ZNF700: variants seen among roughly 807,000 people sequenced by gnomAD.
ZNF700 encodes the protein zinc finger protein 700.
ZNF700 carries 38 observed loss-of-function variants against 65.3 expected under a neutral mutation model. The observed-to-expected ratio is 0.58, with a 90% CI of 0.45 to 0.76. The LOEUF (loss-of-function observed/expected upper bound fraction) is 0.76, where lower values mean the gene tolerates loss of function less well. Ranked by LOEUF, ZNF700 falls within the 30% of genes least tolerant of loss-of-function variation. The pLI is 0.00. For missense variants in ZNF700, 857 were observed against 888.4 expected (o/e 0.96, Z 0.45); for synonymous variants, 285 against 290.4 (o/e 0.98, Z 0.19).
intron 1 of ZNF700, among the ~76,000 whole-genome samples, chr19:11,928,427 C>G (rs964493913): frequency 6.6e-6 from 1 of 152,100 alleles, no homozygotes; most frequent in Non-Finnish European, 1.5e-5. Flanking sequence ...GCCATGAAAT[C>G]TTTGTGTGAG....
intron 1 of ZNF700, among the ~76,000 whole-genome samples, chr19:11,937,506 T>G (rs1448563150): frequency 1.4e-5 from 2 of 142,786 alleles, no homozygotes; most frequent in African/African-American, 5.5e-5. Flanking sequence ...TTTTTTTTTT[T>G]GAGACAGAGT....
At chr19:11,932,030 G>T (rs1250492988) in intron 1 of ZNF700, among the ~76,000 whole-genome samples, 1 of 147,388 alleles carries the variant, frequency 6.8e-6, no homozygotes, top group Non-Finnish European at 1.5e-5. Flanking sequence ...CAGGAGAATC[G>T]CTTGAACCTG....
At position 11,949,333 on chromosome 19, in the gene ZNF700, G is replaced by A. The variant is rs765415938; in HGVS notation, c.1309G>A (p.Gly437Ser). The change falls in exon 4 of 4, where the codon GGT becomes AGT. Residue 437 changes from glycine to serine, a missense_variant. Transcript: ENST00000254321. ...FRSASQLRVH[G>S]GTHTGEKPYE... is the part of the protein sequence containing the mutation. ...ATCTGCCTCACAGCTTCGAGTGCACGGTGGGACTCACACTGGAGAGAAACC... is the reference window on the plus strand; with the variant it reads ...ATCTGCCTCACAGCTTCGAGTGCACAGTGGGACTCACACTGGAGAGAAACC... 9.7e-5 allele frequency: 156 copies of A among 1,613,692 alleles called. No individual in the cohort carries two copies. The highest frequency in any genetic ancestry group is 1.2e-4 in the Non-Finnish European group (136 of 1,179,946).
intron 1 of ZNF700, among the ~76,000 whole-genome samples, chr19:11,928,525 G>A (rs1054722080): frequency 4.0e-5 from 6 of 151,226 alleles, no homozygotes; most frequent in Non-Finnish European, 8.8e-5. Flanking sequence ...GAGGTCAGGA[G>A]ATCGAGACCA....
chr19:11,947,014 C>T (rs1442037080), intron 1 of ZNF700, 167 bp from the exon 2 acceptor site: 4 of 1,190,400 alleles, frequency 3.4e-6, no homozygotes, highest in Non-Finnish European at 4.5e-6. Flanking sequence ...AAATAAATTG[C>T]TTTATGGAAG....
At position 11,925,293 on chromosome 19, in the gene ZNF700, T is replaced by C; in HGVS notation, c.63+20T>C. 2 of 1,610,350 alleles carry C rather than the reference T, an allele frequency of 1.2e-6. No individual in the cohort carries two copies. Among genetic ancestry groups the C allele is most frequent in the Admixed American group, 1.7e-5 (1 of 59,880 alleles). On this transcript the variant is annotated intron_variant, in intron 1 of 3. Coordinates refer to ENST00000254321, the MANE Select transcript of ZNF700 (RefSeq NM_144566.3). Reference sequence around the variant, plus strand: ...GAAATGGTGCGTGTGCGGGACCAGATGTCGTGAGACGGGGGAGGGGCTGCC... The same window carrying C: ...GAAATGGTGCGTGTGCGGGACCAGACGTCGTGAGACGGGGGAGGGGCTGCC...
chr19:11,935,000 A>G lies in ZNF700; in HGVS notation c.63+9727A>G, dbSNP rs1489311000. 1.4e-5 allele frequency among the ~76,000 whole-genome samples: 2 copies of G among 144,502 alleles called. 1 individual carries two copies. Among genetic ancestry groups the G allele is most frequent in the African/African-American group, 5.6e-5 (2 of 36,032 alleles). The allele number at this position is 144,502 out of a possible 152,430, so 94.8% of individuals were successfully genotyped here. ...AGACCATCCTGGCTAACACTGTGAA[A>G]CCCCGTCTCTACTAAAAATAGAAAA... On this transcript the variant is annotated intron_variant, in intron 1 of 3. Transcript: ENST00000254321.
At position 11,950,168 on chromosome 19, in the gene ZNF700, A is replaced by G. The variant is rs1832794283; in HGVS notation, c.2144A>G (p.Tyr715Cys). Residue 715 changes from tyrosine (Y) to cysteine (C), a missense_variant, in exon 4 of 4, where the codon TAT (tyrosine) becomes TGT (cysteine). Physicochemically the swap from Tyr to Cys is radical, Grantham distance 194 (BLOSUM62 -2). Around this residue, in one of 3 missense-constraint regions of ZNF700, gnomAD observed 251 missense variants for 250.3 expected, o/e 1.00. Transcript: ENST00000254321. Reference protein sequence around the residue: ...ECKECGKAFNYFSSLHIHART... With the variant: ...ECKECGKAFNCFSSLHIHART... ...AAGGAATGCGGAAAAGCATTCAATTATTTTTCTTCCTTGCATATACACGCA... is the reference window on the plus strand; with the variant it reads ...AAGGAATGCGGAAAAGCATTCAATTGTTTTTCTTCCTTGCATATACACGCA... 2 of 1,613,858 alleles carry G rather than the reference A, an allele frequency of 1.2e-6. No individual in the cohort carries two copies. Among genetic ancestry groups the G allele is most frequent in the African/African-American group, 1.3e-5 (1 of 74,992 alleles).
chr19:11,930,544 C>T (rs1039593811), intron 1 of ZNF700, among the ~76,000 whole-genome samples: 30 of 148,472 alleles, frequency 2.0e-4, no homozygotes, highest in Non-Finnish European at 2.5e-4. Context: ...TCACTATAAC[C>T]GGCAACTCTA....
chr19:11,936,531 GGTT>G (rs1252779578), intron 1 of ZNF700, among the ~76,000 whole-genome samples: 12 of 152,084 alleles, frequency 7.9e-5, no homozygotes, highest in African/African-American at 2.9e-4. Flanking sequence ...TTTTTGATGG[GGTT>G]GTTTGTTTTT....
intron 1 of ZNF700, among the ~76,000 whole-genome samples, chr19:11,936,480 T>C (rs1268795945): frequency 1.3e-5 from 2 of 152,258 alleles, no homozygotes; most frequent in Non-Finnish European, 2.9e-5. Context: ...GCTGCATAAA[T>C]GTCTTCTTTT....
rs1973031834 is a variant in ZNF700 at position 11,949,769 on chromosome 19, A to G, written c.1745A>G (p.His582Arg). Residue 582 changes from histidine (H) to arginine (R), a missense_variant, in exon 4 of 4, where the codon CAT (histidine) becomes CGT (arginine). Physicochemically the swap from His to Arg is conservative, Grantham distance 29. This residue lies in a region of ZNF700 where 251 missense variants were observed against 250.3 expected (regional missense o/e 1.00). Transcript: ENST00000254321. ...AGATCTGCCTCACACCTTCGAATGC[A>G]TGAAAGGACTCACACTGGAGAGAAA... ...AFRSASHLRM[H>R]ERTHTGEKPY... 1.9e-6 allele frequency: 3 copies of G among 1,614,096 alleles called. No individual in the cohort carries two copies. Among genetic ancestry groups the G allele is most frequent in the East Asian group, 2.2e-5 (1 of 44,856 alleles).
rs1972603000 is a variant in ZNF700, at chr19:11,925,138, G to A, written c.-73G>A. On this transcript the variant is annotated 5_prime_UTR_variant, in exon 1 of 4. Transcript: ENST00000254321. ...CTTCCTCGCTGCGCGGGCGGCGGTT[G>A]GTAACCGGTCAGACCAGCCCGAGAG... is the stretch of plus-strand genomic sequence containing the variant. The A allele has an allele frequency of 4.4e-6, 7 of 1,574,342 alleles. No homozygotes were observed. The highest frequency in any genetic ancestry group is 1.4e-5 in the African/African-American group (1 of 73,534).
intron 1 of ZNF700, among the ~76,000 whole-genome samples, chr19:11,938,793 A>G (rs145310154): frequency 0.01 from 1,531 of 152,328 alleles, 35 homozygotes; most frequent in East Asian, 0.077. Context: ...TCCTTGAGGA[A>G]TCACCACACT....
rs1229120990 is a variant in ZNF700 at position 11,948,861 on chromosome 19, A to G, written c.837A>G (p.Glu279=). 5.0e-6 allele frequency: 8 copies of G among 1,603,960 alleles called. No homozygotes were observed. Among genetic ancestry groups the G allele is most frequent in the Non-Finnish European group, 6.8e-6 (8 of 1,177,876 alleles). The change falls in exon 4 of 4, where the codon GAA becomes GAG. Residue 279 remains glutamate (E), a synonymous_variant. Transcript: ENST00000254321. Reference sequence around the variant, plus strand: ...CTCACACTGGGGAGAAGCCCTATGAATGTAGCAAATGTGATAAAGCATTTC... The same window carrying G: ...CTCACACTGGGGAGAAGCCCTATGAGTGTAGCAAATGTGATAAAGCATTTC... ...ERTHTGEKPY[E]CSKCDKAFHS...
chr19:11,940,044 G>C (rs999109226), intron 1 of ZNF700: 2 of 150,660 alleles, frequency 1.3e-5, no homozygotes, highest in Non-Finnish European at 2.9e-5. Context: ...CAATTCTCCT[G>C]TCTCAGCCTC....
In ZNF700 at chr19:11,948,322, T is replaced by C; in HGVS notation, c.298T>C (p.Cys100Arg). Residue 100 changes from cysteine to arginine, a missense_variant, in exon 4 of 4, where the codon TGT becomes CGT. Cys to Arg is a radical substitution (Grantham distance 180). This residue lies in a region of ZNF700 where 603 missense variants were observed against 619.9 expected (regional missense o/e 0.97). Transcript: ENST00000254321. ...KVNEIKEDSHCGETFTQVPDD... is the reference protein window; with the variant it reads ...KVNEIKEDSHRGETFTQVPDD... The stretch of plus-strand genomic sequence containing the variant: ...CAATGAAATTAAAGAAGACAGTCAT[T>C]GTGGAGAAACTTTTACCCAGGTTCC... The C allele has an allele frequency of 6.2e-7, 1 of 1,613,772 alleles. No individual in the cohort carries two copies.
intron 1 of ZNF700, among the ~76,000 whole-genome samples, chr19:11,934,839 C>T (rs1477872351): frequency 6.8e-6 from 1 of 147,486 alleles, no homozygotes; most frequent in Non-Finnish European, 1.5e-5. Context: ...TTTCATTTCG[C>T]TCTTTAATGA....
At chr19:11,944,329 C>T (rs2073214131) in intron 1 of ZNF700, among the ~76,000 whole-genome samples, 1 of 146,334 alleles carries the variant, frequency 6.8e-6, no homozygotes, top group Non-Finnish European at 1.5e-5. Flanking sequence ...ATCTTAATAC[C>T]ACAGGGAGAG....
Sources: allele counts gnomAD v4.1 joint callset (sites outside exome capture counted in the v4.1 genomes callset), GRCh38; gene constraint gnomAD v4.1.1; regional missense constraint gnomAD v4.1.1; transcripts MANE v1.5; gene names NCBI Gene and HGNC (gene_info 2026-07-23, HGNC 2026-07-21).